Variants in MBL2 observed in about 807,000 individuals in gnomAD.
The protein encoded by MBL2 is mannose binding lectin 2.
In MBL2, 6 loss-of-function variants were observed where a neutral mutation model predicts 12.7. That is an observed-to-expected ratio of 0.47 (90% CI 0.26 to 0.94). The LOEUF (loss-of-function observed/expected upper bound fraction) is 0.94, where lower values mean the gene tolerates loss of function less well. Ranked by LOEUF, MBL2 falls within the 40% of genes least tolerant of loss-of-function variation. The pLI, the probability that MBL2 is intolerant of heterozygous loss-of-function variation, is 0.15. For synonymous variants in MBL2, 114 were observed against 112.0 expected, an observed-to-expected ratio of 1.02 and a Z score of -0.11; for missense variants, 307 against 295.2, an observed-to-expected ratio of 1.04 and a Z score of -0.29.
At chr10:52,771,774 G>A (rs11003123) in intron 1 of MBL2, 130 bp from the exon 2 acceptor site, 305,696 of 1,332,208 alleles carry the variant, frequency 0.23, 38,605 homozygotes, top group African/African-American at 0.51. Context: ...CCTCTAGCTG[G>A]GGATTTGGAA....
At chr10:52,768,863 A>C (rs2132691722) in intron 4 of MBL2, among the ~76,000 whole-genome samples, 1 of 152,164 alleles carries the variant, frequency 6.6e-6, no homozygotes, top group South Asian at 2.1e-4. Flanking sequence ...CTAAATTGTT[A>C]ACTTGAGACC....
chr10:52,766,888 G>A lies in MBL2; in HGVS notation c.*1249C>T, dbSNP rs1253517728. ...AAGAAGATACCCAAGTGCCCAATAA[G>A]CATATAAAAAAGTGTTCAACCTTAT... On this transcript the variant is annotated 3_prime_UTR_variant, in exon 5 of 5. Transcript: ENST00000674931. 1 of 151,926 alleles carries A rather than the reference G, an allele frequency of 6.6e-6. No homozygotes were observed. The highest frequency in any genetic ancestry group is 1.5e-5 in the Non-Finnish European group (1 of 68,010). 9.4% of individuals were successfully genotyped at this position (151,926 alleles called of 1,614,324 possible).
chr10:52,769,337 A>C, intron 3 of MBL2, 22 bp from the exon 4 acceptor site: 1 of 1,543,588 alleles, frequency 6.5e-7, no homozygotes, highest in Non-Finnish European at 8.9e-7. Context: ...GAACAAAGTA[A>C]AGAAGCATTG....
At chr10:52,770,850 T>G (rs1434956383) in intron 2 of MBL2, 64 bp from the exon 3 acceptor site, 1 of 887,318 alleles carries the variant, frequency 1.1e-6, no homozygotes, top group Non-Finnish European at 1.6e-6. Flanking sequence ...TTCAAGAGTT[T>G]GATGCCCAAT....
At position 52,767,508 on chromosome 10, in the gene MBL2, T is replaced by C. The variant is rs989515614; in HGVS notation, c.*629A>G. The C allele has an allele frequency of 2.6e-5, 4 of 151,964 alleles. No individual in the cohort carries two copies. The highest frequency in any genetic ancestry group is 1.9e-4 in the East Asian group (1 of 5,202). The allele number at this position is 151,964 out of a possible 1,614,324, so 9.4% of individuals were successfully genotyped here. ...CTAGGAGGAGTTATAACGGGGCTTC[T>C]AGGGAGTCAAAAATGTCCCATATCT... On this transcript the variant is annotated 3_prime_UTR_variant, in exon 5 of 5. Coordinates refer to ENST00000674931, the MANE Select transcript of MBL2 (RefSeq NM_001378373.1).
In MBL2 at chr10:52,766,349, A is replaced by G. The variant is rs1444080422; in HGVS notation, c.*1788T>C. 1 of 152,166 alleles carries G rather than the reference A, an allele frequency of 6.6e-6. No individual in the cohort carries two copies. Among genetic ancestry groups the G allele is most frequent in the East Asian group, 1.9e-4 (1 of 5,190 alleles). The allele number at this position is 152,166 out of a possible 1,614,324, so 9.4% of individuals were successfully genotyped here. ...TGACACAAGCATCAACAAATAGACT[A>G]GAATAGACAGCCCAGAAACAGACAC... is the stretch of plus-strand genomic sequence containing the variant. On this transcript the variant is annotated 3_prime_UTR_variant, in exon 5 of 5. Transcript: ENST00000674931.
At chr10:52,771,395 G>A in intron 2 of MBL2, 54 bp downstream of exon 2, 1 of 1,589,930 alleles carries the variant, frequency 6.3e-7, no homozygotes, top group Non-Finnish European at 8.6e-7. Flanking sequence ...ATATCCCCAG[G>A]CAGTTTCCTC....
At chr10:52,772,344 G>T (rs566001093) in intron 1 of MBL2, among the ~76,000 whole-genome samples, 1 of 152,204 alleles carries the variant, frequency 6.6e-6, no homozygotes, top group African/African-American at 2.4e-5. Flanking sequence ...TTTCTGGCAG[G>T]AATTCCCCAT....
chr10:52,768,145 G>C lies in MBL2; in HGVS notation c.739C>G (p.Pro247Ala), dbSNP rs956133535. 1 of 1,602,360 alleles carries C rather than the reference G, an allele frequency of 6.2e-7. No homozygotes were observed. The highest frequency in any genetic ancestry group is 8.5e-7 in the Non-Finnish European group (1 of 1,174,132). The change falls in exon 5 of 5, where the codon CCT becomes GCT. Residue 247 changes from proline to alanine, a missense_variant. Coordinates refer to ENST00000674931, the MANE Select transcript of MBL2 (RefSeq NM_001378373.1). ...CTGAGTGATATGACCCTTCAGATAG[G>C]GAACTCACAGACGGCCAGATGGGAG... ...STSHLAVCEFPI is the reference protein window; with the variant it reads ...STSHLAVCEFAI
Position 52,768,158 on chromosome 10 carries a change from G to A in MBL2, c.726C>T (p.Ala242=), listed in dbSNP as rs139905034. ...CCCTTCAGATAGGGAACTCACAGAC[G>A]GCCAGATGGGAGGTGGAGCAGGGGA... The part of the protein sequence containing the change: ...NDVPCSTSHL[A]VCEFPI The change falls in exon 5 of 5, where the codon GCC becomes GCT. Residue 242 remains alanine, a synonymous_variant. Coordinates refer to ENST00000674931, the MANE Select transcript of MBL2 (RefSeq NM_001378373.1). 6.2e-6 allele frequency: 10 copies of A among 1,606,898 alleles called. No individual in the cohort carries two copies. The highest frequency in any genetic ancestry group is 1.1e-5 in the South Asian group (1 of 89,696).
intron 3 of MBL2, among the ~76,000 whole-genome samples, chr10:52,769,782 C>A (rs1191263399): frequency 1.3e-5 from 2 of 152,102 alleles, no homozygotes; most frequent in Non-Finnish European, 2.9e-5. Flanking sequence ...CAGGTTTGTT[C>A]TGTTAGTCAG....
At chr10:52,768,593 C>T (rs930509) in intron 4 of MBL2, 83 bp from the exon 5 acceptor site, 40 of 1,010,536 alleles carry the variant, frequency 4.0e-5, no homozygotes, top group East Asian at 3.5e-4. Flanking sequence ...TTCTAGAGTA[C>T]AGTTGCCGGA....
chr10:52,770,609 C>CTTACTG, intron 3 of MBL2, 61 bp downstream of exon 3: 1 of 1,064,858 alleles, frequency 9.4e-7, no homozygotes, highest in Non-Finnish European at 1.3e-6. Context: ...CACCTCTTAC[C>CTTACTG]AGATACTCAA....
In MBL2 at chr10:52,771,545, TC is replaced by T; in HGVS notation, c.90del (p.Thr31ProfsTer5). 1.2e-6 allele frequency: 2 copies of T among 1,613,862 alleles called. No homozygotes were observed. Among genetic ancestry groups the T allele is most frequent in the African/African-American group, 1.3e-5 (1 of 75,000 alleles). ...SETVTCEDAQ[K>X]TCPAVIACSS... ...CTACAGGCAATCACTGCAGGGCAGG[TC>T]TTTTGGGCATCCTCACAGGTCACAG... On this transcript the variant is annotated frameshift_variant, in exon 2 of 5. Transcript: ENST00000674931. LOFTEE classifies it high-confidence loss of function.
chr10:52,768,494 C>T lies in MBL2; in HGVS notation c.390G>A (p.Leu130=), dbSNP rs771194808. The change falls in exon 5 of 5, where the codon CTG becomes CTA. Residue 130 remains leucine (L), a synonymous_variant. Coordinates refer to ENST00000674931, the MANE Select transcript of MBL2 (RefSeq NM_001378373.1). ...ARIKKWLTFS[L]GKQVGNKFFL... is the part of the protein sequence containing the mutation. ...AGAACTTGTTCCCAACTTGTTTGCCCAGAGAGAAGGTGAGCCCTAAAATGT... is the reference window on the plus strand; with the variant it reads ...AGAACTTGTTCCCAACTTGTTTGCCTAGAGAGAAGGTGAGCCCTAAAATGT... 1.3e-6 allele frequency: 2 copies of T among 1,575,900 alleles called. No homozygotes were observed. The highest frequency in any genetic ancestry group is 2.4e-5 in the South Asian group (2 of 83,022).
intron 4 of MBL2, among the ~76,000 whole-genome samples, chr10:52,768,730 G>A (rs762266375): frequency 5.9e-5 from 9 of 151,954 alleles, no homozygotes; most frequent in African/African-American, 1.7e-4. Flanking sequence ...CAATTTAACT[G>A]GTGCTTTGTC....
chr10:52,770,761 G>T lies in MBL2; in HGVS notation c.213C>A (p.Gly71=), dbSNP rs1296606481. 1 of 1,503,484 alleles carries T rather than the reference G, an allele frequency of 6.7e-7. No homozygotes were observed. The highest frequency in any genetic ancestry group is 2.5e-5 in the East Asian group (1 of 39,884). 93.1% of individuals were successfully genotyped at this position (1,503,484 alleles called of 1,614,324 possible). ...CTGGAGGCCCCAACTTTCCAGGGGGGCCCTGTAAGCCTCTGAGCCCTTGGC... is the reference window on the plus strand; with the variant it reads ...CTGGAGGCCCCAACTTTCCAGGGGGTCCCTGTAAGCCTCTGAGCCCTTGGC... ...EPGQGLRGLQ[G]PPGKLGPPGN... The change falls in exon 3 of 5, where the codon GGC becomes GGA. Residue 71 remains glycine, a synonymous_variant. Coordinates refer to ENST00000674931, the MANE Select transcript of MBL2 (RefSeq NM_001378373.1).
intron 2 of MBL2, 95 bp from the exon 3 acceptor site, chr10:52,770,881 A>G: frequency 6.8e-6 from 4 of 591,862 alleles, no homozygotes; most frequent in Non-Finnish European, 1.1e-5. Flanking sequence ...GAGAAAGGAG[A>G]CCTTGACCCA....
rs2132689849 is a variant in MBL2 at position 52,767,076 on chromosome 10, T to A, written c.*1061A>T. On this transcript the variant is annotated 3_prime_UTR_variant, in exon 5 of 5. Transcript: ENST00000674931. Reference sequence around the variant, plus strand: ...TAGGAGCATAAATTCATACAATCACTTAGGAAAACTGGTAATATCTACTAA... The same window carrying A: ...TAGGAGCATAAATTCATACAATCACATAGGAAAACTGGTAATATCTACTAA... The A allele has an allele frequency of 6.6e-6, 1 of 152,078 alleles. No individual in the cohort carries two copies. The highest frequency in any genetic ancestry group is 2.1e-4 in the South Asian group (1 of 4,822). 9.4% of individuals were successfully genotyped at this position (152,078 alleles called of 1,614,324 possible). A position where few individuals can be genotyped will look rare whatever the true frequency, so the allele number is the denominator to read the frequency against.
Sources: allele counts gnomAD v4.1 joint callset (sites outside exome capture counted in the v4.1 genomes callset), GRCh38; gene constraint gnomAD v4.1.1; transcripts MANE v1.5; gene names NCBI Gene and HGNC (gene_info 2026-07-23, HGNC 2026-07-21).